Variants in KIF2A observed in about 807,000 individuals in gnomAD.
KIF2A encodes kinesin family member 2A.
A neutral mutation model predicts 100.2 loss-of-function variants in KIF2A; 22 were observed. That is an observed-to-expected ratio of 0.22 (90% CI 0.16 to 0.31). The LOEUF is 0.31. Ranked by LOEUF, KIF2A falls within the 10% of genes least tolerant of loss-of-function variation. KIF2A has a pLI of 1.00. For missense variants in KIF2A, 495 were observed against 898.7 expected, an observed-to-expected ratio of 0.55 and a Z score of 5.74; for synonymous variants, 268 against 285.9, an observed-to-expected ratio of 0.94 and a Z score of 0.63.
chr5:62,353,905 T>C (rs182124675), intron 6 of KIF2A, among the ~76,000 whole-genome samples: 21 of 152,132 alleles, frequency 1.4e-4, no homozygotes, highest in African/African-American at 3.9e-4. Context: ...AGTGGGAAAA[T>C]TGCATAGAAA....
chr5:62,360,178 C>T (rs1313174520), intron 9 of KIF2A, among the ~76,000 whole-genome samples: 2 of 99,384 alleles, frequency 2.0e-5, no homozygotes, highest in South Asian at 3.1e-4. Context: ...TTAGTAGAGA[C>T]GGGGTTTCAC....
intron 1 of KIF2A, among the ~76,000 whole-genome samples, chr5:62,345,850 C>A (rs1747538603): frequency 6.6e-6 from 1 of 151,960 alleles, no homozygotes; most frequent in African/African-American, 2.4e-5. Flanking sequence ...ATTGAAGATG[C>A]AGTATATTGC....
chr5:62,327,036 C>T (rs1738409295), intron 1 of KIF2A, among the ~76,000 whole-genome samples: 1 of 152,180 alleles, frequency 6.6e-6, no homozygotes, highest in South Asian at 2.1e-4. Flanking sequence ...CTGTTAGCAG[C>T]ATTTGACACA....
rs542408048 is a variant in KIF2A, at chr5:62,390,546, G to A, written c.*4977G>A. Among the ~76,000 whole-genome samples the A allele has an allele frequency of 2.0e-5, 3 of 152,310 alleles. No homozygotes were observed. In the South Asian group the frequency reaches 6.2e-4, roughly 32 times the overall value. On this transcript the variant is annotated 3_prime_UTR_variant, in exon 21 of 21. Transcript: ENST00000407818. ...CTTATGGACTATTTTGGAGGGATAA[G>A]CTATTAAGACTAAGACTATGAATGA...
chr5:62,380,528 AC>A (rs921869753), intron 19 of KIF2A, among the ~76,000 whole-genome samples: 1 of 151,944 alleles, frequency 6.6e-6, no homozygotes, highest in African/African-American at 2.4e-5. Flanking sequence ...AAGGATGCTG[AC>A]CCCCAGCACA....
chr5:62,316,144 A>G (rs1745810599), intron 1 of KIF2A, among the ~76,000 whole-genome samples: 1 of 152,212 alleles, frequency 6.6e-6, no homozygotes, highest in African/African-American at 2.4e-5. Flanking sequence ...CCTAAAAGTA[A>G]TTGAGTTTAA....
intron 16 of KIF2A, among the ~76,000 whole-genome samples, chr5:62,370,634 A>AACTTTCAG (rs1419428176): frequency 6.6e-6 from 1 of 152,114 alleles, no homozygotes; most frequent in African/African-American, 2.4e-5. Context: ...TACAAGGGAA[A>AACTTTCAG]ACTTTCAGAG....
Position 62,385,602 on chromosome 5 carries a change from C to A in KIF2A, c.*33C>A, listed in dbSNP as rs190983779. The A allele has an allele frequency of 1.4e-6, 2 of 1,439,042 alleles. No homozygotes were observed. Among genetic ancestry groups the A allele is most frequent in the Admixed American group, 1.9e-5 (1 of 51,950 alleles). 89.1% of individuals were successfully genotyped at this position (1,439,042 alleles called of 1,614,324 possible). A position where few individuals can be genotyped will look rare whatever the true frequency, so the allele number is the denominator to read the frequency against. On this transcript the variant is annotated 3_prime_UTR_variant, in exon 21 of 21. Coordinates refer to ENST00000407818, the MANE Select transcript of KIF2A (RefSeq NM_001098511.3). Reference sequence around the variant, plus strand: ...TTTGCTGCTAAAGGATACCCAGAACCCTCACTACTGTAACATACAACGGTT... The same window carrying A: ...TTTGCTGCTAAAGGATACCCAGAACACTCACTACTGTAACATACAACGGTT...
rs1742169211 is a variant in KIF2A at position 62,389,061 on chromosome 5, A to G, written c.*3492A>G. On this transcript the variant is annotated 3_prime_UTR_variant, in exon 21 of 21. Coordinates refer to ENST00000407818, the MANE Select transcript of KIF2A (RefSeq NM_001098511.3). The stretch of plus-strand genomic sequence containing the variant: ...TGAATCCATGTAGCAATCTGAAAAA[A>G]GAAATCAAAATGGAATGGTACTGAA... 1.9e-6 allele frequency: 3 copies of G among 1,559,928 alleles called. No individual in the cohort carries two copies. Among genetic ancestry groups the G allele is most frequent in the Admixed American group, 1.7e-5 (1 of 58,478 alleles).
rs561471059 is a variant in KIF2A at position 62,390,385 on chromosome 5, G to A, written c.*4816G>A. ...AGAACTTGCTTCAGGCTACAAAACT[G>A]TATTATTCCTAAATGGATAACCAGG... On this transcript the variant is annotated 3_prime_UTR_variant, in exon 21 of 21. Coordinates refer to ENST00000407818, the MANE Select transcript of KIF2A (RefSeq NM_001098511.3). 7.2e-5 allele frequency among the ~76,000 whole-genome samples: 11 copies of A among 152,006 alleles called. No individual in the cohort carries two copies. Among genetic ancestry groups the A allele is most frequent in the Non-Finnish European group, 1.6e-4 (11 of 68,002 alleles).
chr5:62,371,196 A>G (rs1471282264), intron 16 of KIF2A, among the ~76,000 whole-genome samples: 2 of 152,116 alleles, frequency 1.3e-5, no homozygotes, highest in African/African-American at 4.8e-5. Flanking sequence ...CAAGGCTGCA[A>G]TGAGCCATGA....
intron 1 of KIF2A, among the ~76,000 whole-genome samples, chr5:62,338,716 A>T (rs1747111485): frequency 6.6e-6 from 1 of 152,240 alleles, no homozygotes; most frequent in Non-Finnish European, 1.5e-5. Flanking sequence ...ACTACATTAG[A>T]ATTAAGAATT....
intron 1 of KIF2A, among the ~76,000 whole-genome samples, chr5:62,312,732 A>G (rs560151526): frequency 6.6e-6 from 1 of 152,352 alleles, no homozygotes; most frequent in East Asian, 1.9e-4. Flanking sequence ...TCACCATATT[A>G]AACTATCTCC....
chr5:62,373,206 G>A (rs1384419205), intron 17 of KIF2A, among the ~76,000 whole-genome samples: 1 of 151,642 alleles, frequency 6.6e-6, no homozygotes, highest in African/African-American at 2.4e-5. Flanking sequence ...TTTACATGTA[G>A]CTATTTTAAT....
intron 1 of KIF2A, among the ~76,000 whole-genome samples, chr5:62,318,246 C>G (rs1244782220): frequency 1.3e-5 from 2 of 152,132 alleles, no homozygotes; most frequent in Non-Finnish European, 2.9e-5. Context: ...CCACGCCCAG[C>G]TAATTTTTGT....
At chr5:62,347,296 G>T in intron 2 of KIF2A, 72 bp downstream of exon 2, 2 of 781,392 alleles carry the variant, frequency 2.6e-6, no homozygotes, top group South Asian at 1.8e-5. Flanking sequence ...AAACAGAAAA[G>T]TACATAATGT....
intron 2 of KIF2A, among the ~76,000 whole-genome samples, 191 bp downstream of exon 2, chr5:62,347,415 T>C (rs1361918877): frequency 6.6e-6 from 1 of 152,218 alleles, no homozygotes; most frequent in Non-Finnish European, 1.5e-5. Flanking sequence ...ATTGCACATA[T>C]CAGTCTTAAT....
chr5:62,353,468 A>ATTTTTTTTTTTTTTTTTTTTTT (rs1000894060), intron 6 of KIF2A, 93 bp downstream of exon 6: 2 of 528,434 alleles, frequency 3.8e-6, no homozygotes, highest in African/African-American at 4.0e-5. Flanking sequence ...TAATTAAGGC[A>ATTTTTTTTTTTTTTTTTTTTTT]TTTTTTTTGA....
intron 18 of KIF2A, among the ~76,000 whole-genome samples, chr5:62,374,458 T>C (rs997507048): frequency 6.6e-6 from 1 of 151,948 alleles, no homozygotes; most frequent in East Asian, 1.9e-4. Flanking sequence ...TTTTTTCCCT[T>C]AGATTTTTGT....
Sources: gnomAD v4.1 joint callset for allele counts (sites outside exome capture counted in the v4.1 genomes callset) on GRCh38, gnomAD v4.1.1 for gene constraint, MANE v1.5 for transcripts, NCBI Gene and HGNC (gene_info 2026-07-23, HGNC 2026-07-21) for gene names.